The following MAOA variants were observed in gnomAD, a reference collection of about 807,000 sequenced individuals.
MAOA encodes the protein amine oxidase [flavin-containing] A.
Under a neutral mutation model 42.0 loss-of-function variants are expected in MAOA, and 6 were observed. The ratio of observed to expected loss-of-function variants is 0.14; its 90% CI spans 0.08 to 0.28. MAOA has a LOEUF of 0.28. Among genes scored for constraint, MAOA ranks in the 10% least tolerant of loss-of-function variants. MAOA has a pLI of 1.00. For missense variants in MAOA, 262 were observed against 422.3 expected (o/e 0.62, Z 3.33); for synonymous variants, 140 against 154.0 (o/e 0.91, Z 0.67).
At chrX:43,743,208 G>A (rs892145705) in intron 12 of MAOA, among the ~76,000 whole-genome samples, 1 of 111,390 alleles carries the variant, frequency 9.0e-6, no homozygotes, top group African/African-American at 3.3e-5. Flanking sequence ...TGTAAGAGGA[G>A]ACCCATTTCC....
intron 2 of MAOA, among the ~76,000 whole-genome samples, chrX:43,688,303 C>T (rs1036724803): frequency 1.8e-5 from 2 of 111,175 alleles, no homozygotes; most frequent in Admixed American, 9.5e-5. Flanking sequence ...TTTTTCGAGA[C>T]GGAGTCTCAC....
At chrX:43,706,629 A>ATAAATAAAT (rs1461345874) in intron 3 of MAOA, among the ~76,000 whole-genome samples, 1 of 108,107 alleles carries the variant, frequency 9.3e-6, no homozygotes, top group African/African-American at 3.4e-5. Context: ...TACAACATAA[A>ATAAATAAAT]TAAATAAATA....
At chrX:43,674,815 C>T (rs1345898690) in intron 1 of MAOA, among the ~76,000 whole-genome samples, 10 of 109,556 alleles carry the variant, frequency 9.1e-5, no homozygotes, top group African/African-American at 3.0e-4. Flanking sequence ...CCGAGAGATC[C>T]GCTGTTAGTC....
At chrX:43,657,183 A>C (rs1023299920) in intron 1 of MAOA, among the ~76,000 whole-genome samples, 5 of 94,889 alleles carry the variant, frequency 5.3e-5, no homozygotes, top group Admixed American at 1.2e-4. Context: ...CTGTGTTTAT[A>C]TATATATATG....
chrX:43,684,635 G>C (rs1037944420), intron 2 of MAOA, among the ~76,000 whole-genome samples: 1 of 111,606 alleles, frequency 9.0e-6, no homozygotes, highest in Non-Finnish European at 1.9e-5. Context: ...TACACAAATA[G>C]AGTGTTAAAG....
chrX:43,693,309 G>T lies in MAOA; in HGVS notation c.187G>T (p.Val63Leu). The change falls in exon 3 of 15, where the codon GTA becomes TTA. Residue 63 changes from valine to leucine, a missense_variant. Val to Leu is a conservative substitution (Grantham distance 32, BLOSUM62 1). This residue lies in a region of MAOA where 141 missense variants were observed against 195.6 expected (regional missense o/e 0.72). Transcript: ENST00000338702. The part of the protein sequence containing the change: ...YTIRNEHVDY[V>L]DVGGAYVGPT... Reference sequence around the variant, plus strand: ...TTTGCAGAATGAGCATGTTGATTACGTAGATGTTGGTGGAGCTTATGTGGG... The same window carrying T: ...TTTGCAGAATGAGCATGTTGATTACTTAGATGTTGGTGGAGCTTATGTGGG... 1 of 1,210,348 alleles carries T rather than the reference G, an allele frequency of 8.3e-7. No homozygotes were observed. The highest frequency in any genetic ancestry group is 1.7e-5 in the African/African-American group (1 of 57,690).
At chrX:43,659,626 A>T in intron 1 of MAOA, among the ~76,000 whole-genome samples, 1 of 110,842 alleles carries the variant, frequency 9.0e-6, no homozygotes, top group Non-Finnish European at 1.9e-5. Flanking sequence ...TCTGATTTGA[A>T]TCCTCTTCCT....
At chrX:43,696,925 A>G (rs1181939596) in intron 3 of MAOA, among the ~76,000 whole-genome samples, 3 of 111,533 alleles carry the variant, frequency 2.7e-5, no homozygotes, top group African/African-American at 9.8e-5. Flanking sequence ...TACACTTTGG[A>G]CAACAAATGG....
intron 1 of MAOA, among the ~76,000 whole-genome samples, chrX:43,682,755 C>T (rs1302925684): frequency 8.9e-6 from 1 of 111,875 alleles, no homozygotes. Context: ...ACTTGACAAA[C>T]ACCACCTCAG....
chrX:43,656,404 T>C lies in MAOA; in HGVS notation c.63T>C (p.Gly21=). Reference sequence around the variant, plus strand: ...TGTTCGACGTAGTCGTGATCGGAGGTGGCATTTCAGGTCAGTGTGGACCGT... The same window carrying C: ...TGTTCGACGTAGTCGTGATCGGAGGCGGCATTTCAGGTCAGTGTGGACCGT... ...GHMFDVVVIG[G]GISGLSAAKL... Residue 21 remains glycine (G), a synonymous_variant, in exon 1 of 15, where the codon GGT becomes GGC. Transcript: ENST00000338702. 1 of 1,210,624 alleles carries C rather than the reference T, an allele frequency of 8.3e-7. No homozygotes were observed. Among genetic ancestry groups the C allele is most frequent in the Non-Finnish European group, 1.1e-6 (1 of 894,768 alleles).
chrX:43,732,699 A>C lies in MAOA; in HGVS notation c.956A>C (p.Asp319Ala). The C allele has an allele frequency of 1.7e-6, 2 of 1,197,076 alleles. No individual in the cohort carries two copies. Among genetic ancestry groups the C allele is most frequent in the South Asian group, 1.8e-5 (1 of 56,643 alleles). Residue 319 changes from aspartate (D) to alanine (A), a missense_variant and splice_region_variant, in exon 9 of 15, where the codon GAT becomes GCT. Asp to Ala is a moderately radical substitution (Grantham distance 126, BLOSUM62 -2). Around this residue, in one of 3 missense-constraint regions of MAOA, gnomAD observed 86 missense variants for 190.3 expected, o/e 0.45. Coordinates refer to ENST00000338702, the MANE Select transcript of MAOA (RefSeq NM_000240.4). ...CCCATTGATTTTTCTCCTGGTTAAG[A>C]TTACTGTGGCTGCATGATCATTGAA... Reference protein sequence around the residue: ...YYKEAFWKKKDYCGCMIIEDE... With the variant: ...YYKEAFWKKKAYCGCMIIEDE...
intron 2 of MAOA, among the ~76,000 whole-genome samples, chrX:43,692,093 G>A (rs2033540595): frequency 9.2e-6 from 1 of 108,996 alleles, no homozygotes. Context: ...AGATAGTGAA[G>A]AATCACTGGG....
intron 2 of MAOA, among the ~76,000 whole-genome samples, chrX:43,687,318 T>C (rs759009447): frequency 8.9e-6 from 1 of 112,177 alleles, no homozygotes; most frequent in East Asian, 2.8e-4. Flanking sequence ...TACTGCTTCA[T>C]TTAGGATTAT....
intron 3 of MAOA, among the ~76,000 whole-genome samples, chrX:43,706,913 G>A (rs1277123008): frequency 2.7e-5 from 3 of 111,820 alleles, no homozygotes; most frequent in African/African-American, 6.5e-5. Flanking sequence ...CAATTCAGGC[G>A]CCCATTGCAT....
At chrX:43,683,394 A>G (rs1384848080) in intron 1 of MAOA, 119 bp from the exon 2 acceptor site, 6 of 557,010 alleles carry the variant, frequency 1.1e-5, no homozygotes, top group Non-Finnish European at 1.9e-5. Flanking sequence ...TTTATTAGAA[A>G]GACAGCAAAA....
At chrX:43,731,219 T>C in intron 6 of MAOA, 22 bp from the exon 7 acceptor site, 1 of 1,206,391 alleles carries the variant, frequency 8.3e-7, no homozygotes, top group South Asian at 1.8e-5. Flanking sequence ...ATGTTTCCTT[T>C]CTTACCTACC....
At chrX:43,674,682 A>G (rs1425138921) in intron 1 of MAOA, among the ~76,000 whole-genome samples, 2 of 111,022 alleles carry the variant, frequency 1.8e-5, no homozygotes, top group Non-Finnish European at 3.8e-5. Flanking sequence ...TTTGTAAAGT[A>G]TTTTATTTCT....
rs757141278 is a variant in MAOA at position 43,712,745 on chromosome X, A to T, written c.452A>T (p.Lys151Ile). 1.7e-6 allele frequency: 2 copies of T among 1,209,912 alleles called. No individual in the cohort carries two copies. The highest frequency in any genetic ancestry group is 4.3e-5 in the Admixed American group (2 of 46,046). Reference protein sequence around the residue: ...DAPWEAQHADKWDKMTMKELI... With the variant: ...DAPWEAQHADIWDKMTMKELI... ...CCCTGGGAGGCTCAACATGCTGACA[A>T]ATGGGACAAAATGACCATGAAAGAG... Residue 151 changes from lysine (K) to isoleucine (I), a missense_variant, in exon 5 of 15, where the codon AAA (lysine) becomes ATA (isoleucine). Transcript: ENST00000338702.
At chrX:43,723,472 A>T (rs1478775265) in intron 5 of MAOA, among the ~76,000 whole-genome samples, 4 of 111,719 alleles carry the variant, frequency 3.6e-5, no homozygotes, top group African/African-American at 1.3e-4. Context: ...GAGTTCACTC[A>T]TGATTTGGCT....
Sources: gnomAD v4.1 joint callset for allele counts (sites outside exome capture counted in the v4.1 genomes callset) on GRCh38, gnomAD v4.1.1 for gene constraint, gnomAD v4.1.1 regional missense constraint, MANE v1.5 for transcripts, NCBI Gene and HGNC (gene_info 2026-07-23, HGNC 2026-07-21) for gene names.